MAP3K19: variants seen among roughly 807,000 people sequenced by gnomAD.
MAP3K19 encodes SPS1/STE20-related protein kinase YSK4.
A neutral mutation model predicts 114.4 loss-of-function variants in MAP3K19; 91 were observed. That is an observed-to-expected ratio of 0.80 (90% CI 0.67 to 0.95). MAP3K19 has a LOEUF of 0.95. Among genes scored for constraint, MAP3K19 ranks in the 40% least tolerant of loss-of-function variants. The pLI is 0.00. For synonymous variants in MAP3K19, 518 were observed against 530.5 expected, an observed-to-expected ratio of 0.98 and a Z score of 0.32; for missense variants, 1,471 against 1,573.2, an observed-to-expected ratio of 0.94 and a Z score of 1.10.
intron 12 of MAP3K19, among the ~76,000 whole-genome samples, chr2:134,973,303 G>A (rs1217309040): frequency 6.6e-6 from 1 of 152,128 alleles, no homozygotes; most frequent in Non-Finnish European, 1.5e-5. Flanking sequence ...ATATACCTGG[G>A]TGCTCTGGTG....
At chr2:135,018,118 C>T (rs1687697945) in intron 5 of MAP3K19, among the ~76,000 whole-genome samples, 1 of 151,750 alleles carries the variant, frequency 6.6e-6, no homozygotes, top group Non-Finnish European at 1.5e-5. Context: ...ATAGAGAAAC[C>T]CCGTCTCTAC....
chr2:135,023,720 C>T (rs1227238646), intron 4 of MAP3K19: 6 of 378,616 alleles, frequency 1.6e-5, no homozygotes, highest in Admixed American at 3.2e-5. Context: ...TCTCACACCC[C>T]ACCCAAGGAC....
At chr2:134,993,934 T>C (rs2105268537) in intron 8 of MAP3K19, among the ~76,000 whole-genome samples, 1 of 152,244 alleles carries the variant, frequency 6.6e-6, no homozygotes, top group South Asian at 2.1e-4. Flanking sequence ...CACTTAAGCC[T>C]GGAATATTGA....
At chr2:135,037,347 A>G (rs1369417494) in intron 2 of MAP3K19, among the ~76,000 whole-genome samples, 2 of 152,208 alleles carry the variant, frequency 1.3e-5, no homozygotes, top group Non-Finnish European at 2.9e-5. Flanking sequence ...GAATGGATTC[A>G]GGACTTTGCG....
intron 1 of MAP3K19, among the ~76,000 whole-genome samples, chr2:135,042,397 G>T (rs1045474153): frequency 1.3e-5 from 2 of 151,798 alleles, no homozygotes; most frequent in African/African-American, 4.8e-5. Context: ...AGCTACTCTG[G>T]AGGCTGAGGC....
At chr2:134,982,988 T>C (rs568527822) in intron 11 of MAP3K19, among the ~76,000 whole-genome samples, 17 of 152,360 alleles carry the variant, frequency 1.1e-4, no homozygotes, top group African/African-American at 4.1e-4. Context: ...ATGCATAGAA[T>C]GTGTAATGAT....
intron 3 of MAP3K19, among the ~76,000 whole-genome samples, chr2:135,027,469 T>C (rs1688286301): frequency 1.3e-5 from 2 of 152,094 alleles, no homozygotes; most frequent in Admixed American, 1.3e-4. Flanking sequence ...TCGGTTTACA[T>C]GTGATTTCTG....
chr2:135,005,570 T>C (rs1686755412), intron 5 of MAP3K19, 39 bp from the exon 6 acceptor site: 4 of 1,487,170 alleles, frequency 2.7e-6, no homozygotes, highest in Non-Finnish European at 2.8e-6. Flanking sequence ...TTATTAGTTA[T>C]TCGATGTACC....
intron 12 of MAP3K19, among the ~76,000 whole-genome samples, chr2:134,974,375 T>TG (rs536537835): frequency 4.1e-4 from 62 of 152,326 alleles, no homozygotes; most frequent in Admixed American, 5.9e-4. Context: ...GTTAGTCTGA[T>TG]GGGGGTTCTT....
rs1228904917 is a variant in MAP3K19 at position 135,033,565 on chromosome 2, G to A, written c.-283-3065C>T. 2.1e-4 allele frequency among the ~76,000 whole-genome samples: 9 copies of A among 42,430 alleles called. 1 individual carries two copies. The South Asian group carries it at 7.2e-3, about 34-fold the overall frequency. 27.8% of individuals were successfully genotyped at this position (42,430 alleles called of 152,430 possible). Reference sequence around the variant, plus strand: ...TCACCTCCCGGACGGGGCGGCTGGCGGGCGGGGGGCTGACCCCCCCACCGC... The same window carrying A: ...TCACCTCCCGGACGGGGCGGCTGGCAGGCGGGGGGCTGACCCCCCCACCGC... On this transcript the variant is annotated intron_variant, in intron 2 of 12. Coordinates refer to ENST00000392915, the MANE Select transcript of MAP3K19 (RefSeq NM_025052.5).
chr2:134,975,465 C>A (rs538261772), intron 12 of MAP3K19, among the ~76,000 whole-genome samples: 1 of 152,146 alleles, frequency 6.6e-6, no homozygotes, highest in South Asian at 2.1e-4. Context: ...CTGGGCCAGG[C>A]TTGGTTGACC....
intron 12 of MAP3K19, among the ~76,000 whole-genome samples, chr2:134,966,759 G>A (rs1194721183): frequency 6.6e-6 from 1 of 152,184 alleles, no homozygotes; most frequent in African/African-American, 2.4e-5. Context: ...TGTATCAGGA[G>A]GCTCATGTCT....
rs185147249 is a variant in MAP3K19, at chr2:135,021,057, A to G, written c.138+658T>C. Reference sequence around the variant, plus strand: ...ATTATTTAGTATGGATTCAGCTGAAACAATATTCTGTGGTACTGGAGACAC... The same window carrying G: ...ATTATTTAGTATGGATTCAGCTGAAGCAATATTCTGTGGTACTGGAGACAC... On this transcript the variant is annotated intron_variant, in intron 5 of 12. Transcript: ENST00000392915. Among the ~76,000 whole-genome samples, 168 of 152,306 alleles carry G rather than the reference A, an allele frequency of 1.1e-3. 1 individual carries two copies. Among genetic ancestry groups the G allele is most frequent in the African/African-American group, 3.6e-3 (151 of 41,558 alleles).
intron 6 of MAP3K19, among the ~76,000 whole-genome samples, chr2:135,003,706 C>T (rs1686613080): frequency 6.6e-6 from 1 of 151,868 alleles, no homozygotes; most frequent in Non-Finnish European, 1.5e-5. Flanking sequence ...AGGTGCGCAC[C>T]ACCACACCCG....
chr2:134,978,859 C>A (rs1366868109), intron 12 of MAP3K19, among the ~76,000 whole-genome samples: 1 of 152,172 alleles, frequency 6.6e-6, no homozygotes, highest in Non-Finnish European at 1.5e-5. Flanking sequence ...CCCAAAGACC[C>A]TTTTCTTTAT....
At chr2:134,979,464 GT>G (rs1266746531) in intron 12 of MAP3K19, among the ~76,000 whole-genome samples, 1 of 151,820 alleles carries the variant, frequency 6.6e-6, no homozygotes, top group African/African-American at 2.4e-5. Flanking sequence ...GTGTGTGTGT[GT>G]GTGTGTGTGT....
intron 1 of MAP3K19, 172 bp from the exon 2 acceptor site, chr2:135,040,674 A>G (rs948469876): frequency 2.6e-5 from 4 of 152,278 alleles, no homozygotes; most frequent in African/African-American, 9.6e-5. Context: ...AAATTCTTAT[A>G]ACAGTTTTAA....
chr2:134,969,317 A>G (rs909294572), intron 12 of MAP3K19, among the ~76,000 whole-genome samples: 10 of 152,138 alleles, frequency 6.6e-5, no homozygotes, highest in African/African-American at 2.4e-4. Flanking sequence ...GTCCAGCTTC[A>G]GCTCGGCATC....
Position 134,986,719 on chromosome 2 carries a change from T to C in MAP3K19, c.2153A>G (p.Gln718Arg), listed in dbSNP as rs1354845316. The change falls in exon 10 of 13, where the codon CAG (glutamine) becomes CGG (arginine). Residue 718 changes from glutamine (Q) to arginine (R), a missense_variant. Coordinates refer to ENST00000392915, the MANE Select transcript of MAP3K19 (RefSeq NM_025052.5). ...RKSNIRTRLS[Q>R]KKTHMKCPKT... ...TGGGCATTTCATATGTGTTTTTTTC[T>C]GAGAAAGTCTTGTTCTGATATTGCT... is the stretch of plus-strand genomic sequence containing the variant. 1.2e-6 allele frequency: 2 copies of C among 1,614,086 alleles called. No individual in the cohort carries two copies.
Sources: allele counts gnomAD v4.1 joint callset (sites outside exome capture counted in the v4.1 genomes callset), GRCh38; gene constraint gnomAD v4.1.1; transcripts MANE v1.5; gene names NCBI Gene and HGNC (gene_info 2026-07-23, HGNC 2026-07-21).